Variants in PDE3A observed in about 807,000 individuals in gnomAD.
The protein encoded by PDE3A is cGMP-inhibited 3',5'-cyclic phosphodiesterase 3A.
Under a neutral mutation model 98.3 loss-of-function variants are expected in PDE3A, and 43 were observed. That is an observed-to-expected ratio of 0.44 (90% CI 0.34 to 0.56). PDE3A has a LOEUF of 0.56. Among genes scored for constraint, PDE3A ranks in the 20% least tolerant of loss-of-function variants. The pLI, the probability that PDE3A is intolerant of heterozygous loss-of-function variation, is 0.01. For synonymous variants in PDE3A, 663 were observed against 567.9 expected (o/e 1.17, Z -2.38); for missense variants, 1,427 against 1,440.7 (o/e 0.99, Z 0.15).
Position 20,369,176 on chromosome 12 carries a change from G to A in PDE3A, c.-109G>A. On this transcript the variant is annotated 5_prime_UTR_variant, in exon 1 of 16. Coordinates refer to ENST00000359062, the MANE Select transcript of PDE3A (RefSeq NM_000921.5). ...AGAAGGATTCCGAGGGTGGAATTGG[G>A]AAGAGCGTGCGTGCGTGTGTGTGTG... 2 of 673,042 alleles carry A rather than the reference G, an allele frequency of 3.0e-6. No homozygotes were observed. Among genetic ancestry groups the A allele is most frequent in the Non-Finnish European group, 4.7e-6 (2 of 421,426 alleles). The allele number at this position is 673,042 out of a possible 1,614,324, so 41.7% of individuals were successfully genotyped here. A position where few individuals can be genotyped will look rare whatever the true frequency, so the allele number is the denominator to read the frequency against.
chr12:20,643,800 C>T (rs1944702429), intron 10 of PDE3A, among the ~76,000 whole-genome samples: 1 of 151,786 alleles, frequency 6.6e-6, no homozygotes, highest in Non-Finnish European at 1.5e-5. Context: ...GGATTAATTG[C>T]TTGTTGAAAG....
intron 1 of PDE3A, among the ~76,000 whole-genome samples, chr12:20,463,476 A>G (rs1406259751): frequency 1.3e-5 from 2 of 152,154 alleles, no homozygotes; most frequent in Non-Finnish European, 2.9e-5. Flanking sequence ...TATTGCTCAA[A>G]TCTTAATGCT....
rs1194188246 is a variant in PDE3A at position 20,386,122 on chromosome 12, AAT to A, written c.960+15886_960+15887del. The stretch of plus-strand genomic sequence containing the variant: ...ATAAATATATATATAAATATATATA[AAT>A]ATATATAAATATATATAAATATATA... On this transcript the variant is annotated intron_variant, in intron 1 of 15. Coordinates refer to ENST00000359062, the MANE Select transcript of PDE3A (RefSeq NM_000921.5). Among the ~76,000 whole-genome samples, 161 of 19,992 alleles carry A rather than the reference AAT, an allele frequency of 8.1e-3. 11 individuals carry two copies. The highest frequency in any genetic ancestry group is 0.043 in the East Asian group (16 of 372). 13.1% of individuals were successfully genotyped at this position (19,992 alleles called of 152,430 possible).
chr12:20,443,361 G>T lies in PDE3A; in HGVS notation c.960+73117G>T, dbSNP rs373451674. The stretch of plus-strand genomic sequence containing the variant: ...TGACTATCTGCATAGATACGTAAGG[G>T]GATATGGCTGACAGGAGGAATTACA... On this transcript the variant is annotated intron_variant, in intron 1 of 15. Transcript: ENST00000359062. 4.6e-5 allele frequency among the ~76,000 whole-genome samples: 7 copies of T among 152,046 alleles called. No individual in the cohort carries two copies. In the East Asian group the frequency reaches 1.2e-3, roughly 25 times the overall value.
In PDE3A at chr12:20,608,880, AT is replaced by A. The variant is rs1943778350; in HGVS notation, c.1012-4560del. On this transcript the variant is annotated intron_variant, in intron 2 of 15. Transcript: ENST00000359062. ...TAAACTTAATTTCATTGTCAAAAAC[AT>A]TTAAAATTTTGTCTTGAAAACAAAG... Among the ~76,000 whole-genome samples, 4 of 152,016 alleles carry A rather than the reference AT, an allele frequency of 2.6e-5. No homozygotes were observed. In the South Asian group the frequency reaches 8.3e-4, roughly 31 times the overall value.
chr12:20,542,845 C>A (rs1046221990), intron 1 of PDE3A, among the ~76,000 whole-genome samples: 3 of 151,870 alleles, frequency 2.0e-5, no homozygotes, highest in African/African-American at 7.3e-5. Flanking sequence ...TAGAAAATAG[C>A]CTTGAATGTG....
At chr12:20,653,801 C>A in intron 14 of PDE3A, 146 bp from the exon 15 acceptor site, 1 of 778,166 alleles carries the variant, frequency 1.3e-6, no homozygotes, top group Non-Finnish European at 2.1e-6. Context: ...TAATTAGCAA[C>A]AGTGTTTCTA....
intron 1 of PDE3A, among the ~76,000 whole-genome samples, chr12:20,535,120 T>C (rs560141620): frequency 6.6e-6 from 1 of 152,296 alleles, no homozygotes; most frequent in East Asian, 1.9e-4. Context: ...GTTCATATAA[T>C]TCATAGTTTG....
At position 20,682,463 on chromosome 12, in the gene PDE3A, G is replaced by A. The variant is rs995751918; in HGVS notation, c.*2192G>A. The A allele has an allele frequency of 2.6e-5, 4 of 151,986 alleles. No homozygotes were observed. Among genetic ancestry groups the A allele is most frequent in the Admixed American group, 6.6e-5 (1 of 15,240 alleles). 9.4% of individuals were successfully genotyped at this position (151,986 alleles called of 1,614,324 possible). A position where few individuals can be genotyped will look rare whatever the true frequency, so the allele number is the denominator to read the frequency against. ...TTAAAAAATAAGGCAAAGATAATAC[G>A]ACAAAAAATATACATGGTTTCAAGG... On this transcript the variant is annotated 3_prime_UTR_variant, in exon 16 of 16. Transcript: ENST00000359062.
At position 20,395,576 on chromosome 12, in the gene PDE3A, T is replaced by C. The variant is rs1248602653; in HGVS notation, c.960+25332T>C. On this transcript the variant is annotated intron_variant, in intron 1 of 15. Transcript: ENST00000359062. ...GTACACATAGTATATATATACATAGTATTATATATGTATACTATGTATACA... is the reference window on the plus strand; with the variant it reads ...GTACACATAGTATATATATACATAGCATTATATATGTATACTATGTATACA... 8.7e-5 allele frequency among the ~76,000 whole-genome samples: 10 copies of C among 114,988 alleles called. No individual in the cohort carries two copies. In the East Asian group the frequency reaches 9.7e-4, roughly 11 times the overall value. 75.4% of individuals were successfully genotyped at this position (114,988 alleles called of 152,430 possible).
At chr12:20,426,271 C>A (rs2120779219) in intron 1 of PDE3A, among the ~76,000 whole-genome samples, 1 of 152,160 alleles carries the variant, frequency 6.6e-6, no homozygotes, top group South Asian at 2.1e-4. Context: ...CGAATGAGAA[C>A]TGAATATGAA....
At chr12:20,413,653 CA>C (rs955922402) in intron 1 of PDE3A, among the ~76,000 whole-genome samples, 1 of 152,044 alleles carries the variant, frequency 6.6e-6, no homozygotes, top group African/African-American at 2.4e-5. Flanking sequence ...AGGTGGGGGC[CA>C]AATGATGCAG....
intron 3 of PDE3A, among the ~76,000 whole-genome samples, chr12:20,614,860 C>A (rs183075330): frequency 2.0e-5 from 3 of 152,030 alleles, no homozygotes; most frequent in African/African-American, 7.2e-5. Flanking sequence ...AGCAGAATGT[C>A]TTTGTGAACT....
chr12:20,372,581 A>G (rs1356859818), intron 1 of PDE3A, among the ~76,000 whole-genome samples: 2 of 152,146 alleles, frequency 1.3e-5, no homozygotes, highest in Admixed American at 1.3e-4. Flanking sequence ...GGAGCTACCC[A>G]CAGTAAATGG....
chr12:20,627,976 C>T (rs533345557), intron 5 of PDE3A, among the ~76,000 whole-genome samples: 6 of 152,248 alleles, frequency 3.9e-5, no homozygotes, highest in Non-Finnish European at 7.4e-5. Context: ...CCCTTTTTAA[C>T]CTTTACATCA....
chr12:20,439,222 TG>T (rs1256715907), intron 1 of PDE3A, among the ~76,000 whole-genome samples: 1 of 152,210 alleles, frequency 6.6e-6, no homozygotes, highest in Non-Finnish European at 1.5e-5. Context: ...TTCTTAGCTT[TG>T]CAAGAAAAGA....
intron 1 of PDE3A, chr12:20,551,570 G>A: frequency 1.4e-5 from 21 of 1,517,954 alleles, no homozygotes; most frequent in Non-Finnish European, 1.8e-5. Context: ...ACCCCCGAGC[G>A]GGTCTGCGCC....
intron 1 of PDE3A, among the ~76,000 whole-genome samples, chr12:20,445,556 T>C (rs1269337810): frequency 2.6e-5 from 4 of 152,236 alleles, no homozygotes; most frequent in Non-Finnish European, 5.9e-5. Context: ...GCAGTGTCTT[T>C]AACTCAGATT....
chr12:20,583,804 T>TAC (rs1281074298), intron 2 of PDE3A, among the ~76,000 whole-genome samples: 5 of 152,208 alleles, frequency 3.3e-5, no homozygotes, highest in African/African-American at 1.2e-4. Context: ...GTAACTAATG[T>TAC]ACCTACTTTG....
Sources: allele counts gnomAD v4.1 joint callset (sites outside exome capture counted in the v4.1 genomes callset), GRCh38; gene constraint gnomAD v4.1.1; transcripts MANE v1.5; gene names NCBI Gene and HGNC (gene_info 2026-07-23, HGNC 2026-07-21).